GRIA2: variants seen among roughly 807,000 people sequenced by gnomAD.
The protein encoded by GRIA2 is glutamate ionotropic receptor AMPA type subunit 2, also known as glutamate receptor 2.
A neutral mutation model predicts 97.3 loss-of-function variants in GRIA2; 14 were observed. The observed-to-expected ratio is 0.14, with a 90% CI of 0.10 to 0.23. The LOEUF is 0.23. Ranked by LOEUF, GRIA2 falls within the 10% of genes least tolerant of loss-of-function variation. The pLI is 1.00. For missense variants in GRIA2, 558 were observed against 1,069.8 expected (o/e 0.52, Z 6.67); for synonymous variants, 412 against 387.8 (o/e 1.06, Z -0.73).
chr4:157,233,194 A>G (rs1295280104), intron 2 of GRIA2, among the ~76,000 whole-genome samples: 1 of 152,164 alleles, frequency 6.6e-6, no homozygotes, highest in Non-Finnish European at 1.5e-5. Context: ...GACTAACAAA[A>G]TAAATCACAT....
chr4:157,323,284 G>C (rs1444124362), intron 6 of GRIA2, among the ~76,000 whole-genome samples: 1 of 123,834 alleles, frequency 8.1e-6, no homozygotes, highest in Non-Finnish European at 1.6e-5. Context: ...GCAGTGGGCC[G>C]AGATCGCGCC....
intron 6 of GRIA2, among the ~76,000 whole-genome samples, chr4:157,329,443 T>C (rs1734951968): frequency 6.6e-6 from 1 of 151,944 alleles, no homozygotes; most frequent in Admixed American, 6.6e-5. Context: ...TAAAACACTA[T>C]TCTTATGGAA....
At position 157,238,747 on chromosome 4, in the gene GRIA2, G is replaced by A. The variant is rs114075005; in HGVS notation, c.229+16940G>A. ...ATTACTGGATTAAAGGCCATGAAGC[G>A]TTTAGTTAAGTAAATCAATTTCTGA... On this transcript the variant is annotated intron_variant, in intron 2 of 15. Transcript: ENST00000264426. Among the ~76,000 whole-genome samples, 734 of 152,134 alleles carry A rather than the reference G, an allele frequency of 4.8e-3. 3 individuals are homozygous for A. The highest frequency in any genetic ancestry group is 0.014 in the African/African-American group (597 of 41,528).
At chr4:157,297,940 AT>A (rs1170951250) in intron 2 of GRIA2, among the ~76,000 whole-genome samples, 1 of 152,066 alleles carries the variant, frequency 6.6e-6, no homozygotes, top group African/African-American at 2.4e-5. Context: ...TTATCAGTAA[AT>A]AAAGGATGAC....
chr4:157,353,809 G>T (rs1736127369), intron 12 of GRIA2, among the ~76,000 whole-genome samples: 1 of 152,028 alleles, frequency 6.6e-6, no homozygotes, highest in Non-Finnish European at 1.5e-5. Context: ...ACAATTTAAT[G>T]CAAATCTTGT....
intron 2 of GRIA2, among the ~76,000 whole-genome samples, chr4:157,235,472 C>G (rs1039623599): frequency 2.0e-5 from 3 of 151,758 alleles, no homozygotes; most frequent in Non-Finnish European, 4.4e-5. Context: ...TAAATATTAT[C>G]CTATACGTTG....
intron 2 of GRIA2, among the ~76,000 whole-genome samples, chr4:157,262,740 G>T (rs924449862): frequency 1.3e-5 from 2 of 151,866 alleles, no homozygotes; most frequent in African/African-American, 4.8e-5. Flanking sequence ...CTCCTTTTTA[G>T]CTCAATTTCC....
intron 12 of GRIA2, chr4:157,342,635 G>A (rs544921090): frequency 1.1e-5 from 2 of 174,768 alleles, no homozygotes; most frequent in South Asian, 1.9e-4. Flanking sequence ...GTTTAAAAAT[G>A]TATGTTCCTC....
chr4:157,358,408 CAGAA>C (rs1415121558), intron 12 of GRIA2, among the ~76,000 whole-genome samples: 1 of 152,080 alleles, frequency 6.6e-6, no homozygotes, highest in Non-Finnish European at 1.5e-5. Flanking sequence ...GCTTTTACAA[CAGAA>C]AGAAAGCTTG....
At chr4:157,338,014 ATATATATATATATAT>A (rs1389427592) in intron 11 of GRIA2, among the ~76,000 whole-genome samples, 1 of 7,624 alleles carries the variant, frequency 1.3e-4, no homozygotes, top group Non-Finnish European at 4.1e-4. Context: ...ATGTGTATAT[ATATATATATATATAT>A]ATATATATAT....
intron 12 of GRIA2, among the ~76,000 whole-genome samples, chr4:157,359,268 C>G (rs1052792738): frequency 6.6e-6 from 1 of 151,944 alleles, no homozygotes; most frequent in South Asian, 2.1e-4. Flanking sequence ...TCCAGTATAT[C>G]TTGAAATAAA....
chr4:157,338,049 TACAC>T (rs1424839302), intron 11 of GRIA2, among the ~76,000 whole-genome samples: 1 of 9,722 alleles, frequency 1.0e-4, no homozygotes, highest in African/African-American at 1.4e-4. Flanking sequence ...TATATATATA[TACAC>T]ACACATTTTT....
chr4:157,342,972 T>C (rs1358363802), intron 12 of GRIA2, among the ~76,000 whole-genome samples: 4 of 152,096 alleles, frequency 2.6e-5, no homozygotes, highest in Admixed American at 2.0e-4. Context: ...GAGTCAATCA[T>C]AGAAACACGT....
At chr4:157,311,582 T>G (rs757237436) in intron 3 of GRIA2, among the ~76,000 whole-genome samples, 2 of 152,014 alleles carry the variant, frequency 1.3e-5, no homozygotes, top group African/African-American at 4.8e-5. Context: ...TAAATAAAAT[T>G]TGGTATCTGA....
intron 2 of GRIA2, among the ~76,000 whole-genome samples, chr4:157,245,257 G>T (rs772210225): frequency 3.3e-5 from 5 of 151,804 alleles, no homozygotes; most frequent in Non-Finnish European, 7.4e-5. Context: ...TAATTAAGGT[G>T]GCATCATATA....
chr4:157,347,976 T>C (rs1735833631), intron 12 of GRIA2, among the ~76,000 whole-genome samples: 1 of 151,940 alleles, frequency 6.6e-6, no homozygotes, highest in Admixed American at 6.6e-5. Context: ...ATACAAAAAT[T>C]AGCTGAGCGT....
chr4:157,292,030 A>G (rs2126837996), intron 2 of GRIA2, among the ~76,000 whole-genome samples: 1 of 152,188 alleles, frequency 6.6e-6, no homozygotes, highest in East Asian at 1.9e-4. Flanking sequence ...ACTGAGAATC[A>G]TAAAACAGTT....
chr4:157,355,942 A>AATATATTTATATATAAAT (rs1560781201), intron 12 of GRIA2, among the ~76,000 whole-genome samples: 6 of 3,742 alleles, frequency 1.6e-3, no homozygotes, highest in Non-Finnish European at 4.3e-3. Context: ...TTTATATATT[A>AATATATTTATATATAAAT]ATATATATTT....
At chr4:157,274,140 G>A (rs576252373) in intron 2 of GRIA2, among the ~76,000 whole-genome samples, 1 of 152,014 alleles carries the variant, frequency 6.6e-6, no homozygotes, top group South Asian at 2.1e-4. Context: ...ATTTAGTAGT[G>A]AAGAGGAAAT....
Sources: allele counts gnomAD v4.1 joint callset (sites outside exome capture counted in the v4.1 genomes callset), GRCh38; gene constraint gnomAD v4.1.1; transcripts MANE v1.5; gene names NCBI Gene and HGNC (gene_info 2026-07-23, HGNC 2026-07-21).